The following TBL1Y variants were observed in gnomAD, a reference collection of about 807,000 sequenced individuals.
The protein encoded by TBL1Y is transducin beta like 1 Y-linked, also known as F-box-like/WD repeat-containing protein TBL1Y.
Under a neutral mutation model 12.0 loss-of-function variants are expected in TBL1Y, and 15 were observed. That is an observed-to-expected ratio of 1.25 (90% confidence interval 0.83 to 1.92). The LOEUF is 1.92. TBL1Y is among the 40% of genes most tolerant of loss of function. The probability of loss-of-function intolerance (pLI) is 0.00; values close to 1 mark genes in which losing one functional copy is unlikely to be tolerated. For missense variants in TBL1Y, 148 were observed against 116.7 expected, an observed-to-expected ratio of 1.27 and a Z score of -1.24; for synonymous variants, 53 against 42.6, an observed-to-expected ratio of 1.24 and a Z score of -0.95.
At chrY:6,931,252 G>A in intron 2 of TBL1Y, among the ~76,000 whole-genome samples, 1 of 32,927 alleles carries the variant, frequency 3.0e-5, no homozygotes, top group East Asian at 8.2e-4. Context: ...TTAGCTGGGT[G>A]TGGTGGTGCA....
intron 4 of TBL1Y, among the ~76,000 whole-genome samples, chrY:7,018,810 G>A: frequency 3.0e-5 from 1 of 33,644 alleles, no homozygotes. Flanking sequence ...AAGAAAAAGA[G>A]AAGTCTTTTG....
At chrY:7,090,483 A>G in intron 18 of TBL1Y, among the ~76,000 whole-genome samples, 3 of 34,047 alleles carry the variant, frequency 8.8e-5, no homozygotes, top group African/African-American at 3.4e-4. Flanking sequence ...ACATTAGACA[A>G]TATGTGGAGG....
intron 12 of TBL1Y, 80 bp downstream of exon 12, chrY:7,071,910 G>A: frequency 8.3e-6 from 2 of 241,413 alleles, no homozygotes; most frequent in Non-Finnish European, 1.3e-5. Context: ...AGGGGGGTGG[G>A]GAGTGGGGGA....
At chrY:7,053,194 C>T (rs762968496) in intron 7 of TBL1Y, among the ~76,000 whole-genome samples, 2 of 33,761 alleles carry the variant, frequency 5.9e-5, no homozygotes, top group Admixed American at 2.7e-4. Context: ...TACGCCATCC[C>T]GTTTTCCCAT....
Position 6,947,592 on chromosome Y carries a change from AT to A in TBL1Y, c.-265-30619del, listed in dbSNP as rs2011992715. On this transcript the variant is annotated intron_variant, in intron 2 of 18. Transcript: ENST00000383032. ...ATTGAAAAAGTTAGGCAAGACTAGAATTAACAGGTCTACTGTAGTGTTGAAA... is the reference window on the plus strand; with the variant it reads ...ATTGAAAAAGTTAGGCAAGACTAGAATAACAGGTCTACTGTAGTGTTGAAA... Among the ~76,000 whole-genome samples the A allele has an allele frequency of 3.8e-4, 13 of 34,091 alleles. No individual in the cohort carries two copies. In the South Asian group the frequency reaches 7.1e-3, roughly 19 times the overall value. The allele number at this position is 34,091 out of a possible 37,273, so 91.5% of individuals were successfully genotyped here.
At chrY:6,919,637 C>T in intron 2 of TBL1Y, 1 of 33,426 alleles carries the variant, frequency 3.0e-5, no homozygotes, top group Admixed American at 2.7e-4. Flanking sequence ...ATCATCCCTC[C>T]GGTCGAAACA....
chrY:7,027,057 G>A (rs2012630205), intron 6 of TBL1Y, among the ~76,000 whole-genome samples: 1 of 32,615 alleles, frequency 3.1e-5, no homozygotes, highest in East Asian at 8.3e-4. Flanking sequence ...GCATACCAAC[G>A]TGCCCGGCTA....
intron 7 of TBL1Y, among the ~76,000 whole-genome samples, chrY:7,063,181 C>T (rs923331263): frequency 6.1e-5 from 2 of 32,973 alleles, no homozygotes; most frequent in East Asian, 8.0e-4. Context: ...GGACGAGCCC[C>T]GAAATTGTTA....
At chrY:7,048,417 C>T (rs1018855072) in intron 7 of TBL1Y, among the ~76,000 whole-genome samples, 1 of 32,892 alleles carries the variant, frequency 3.0e-5, no homozygotes, top group Non-Finnish European at 7.4e-5. Flanking sequence ...TTGCCAAAAT[C>T]ATGACTCGGA....
chrY:7,079,378 C>T, intron 13 of TBL1Y, among the ~76,000 whole-genome samples: 1 of 33,888 alleles, frequency 3.0e-5, no homozygotes, highest in African/African-American at 1.2e-4. Context: ...CCTCTCAGGA[C>T]ATGGTCCAGC....
At chrY:6,970,888 T>C (rs1021110531) in intron 2 of TBL1Y, among the ~76,000 whole-genome samples, 16 of 34,574 alleles carry the variant, frequency 4.6e-4, no homozygotes, top group African/African-American at 2.3e-4. Flanking sequence ...GTTCAGTTTA[T>C]AGAGGGAAGG....
intron 2 of TBL1Y, among the ~76,000 whole-genome samples, chrY:6,922,335 C>T (rs892510249): frequency 2.9e-5 from 1 of 34,357 alleles, no homozygotes; most frequent in African/African-American, 1.1e-4. Flanking sequence ...GCCCCACCCA[C>T]ATCCTACTGA....
At chrY:7,076,818 C>T in intron 13 of TBL1Y, among the ~76,000 whole-genome samples, 1 of 26,113 alleles carries the variant, frequency 3.8e-5, no homozygotes, top group African/African-American at 1.6e-4. Context: ...GCAGGAGAAT[C>T]CCCTCAATCA....
intron 16 of TBL1Y, 98 bp downstream of exon 16, chrY:7,086,515 A>G: frequency 3.8e-6 from 1 of 261,123 alleles, no homozygotes; most frequent in Non-Finnish European, 5.5e-6. Context: ...GAAGCCCTTC[A>G]GAGGAAACAA....
chrY:7,089,303 A>G, intron 17 of TBL1Y, among the ~76,000 whole-genome samples: 1 of 34,482 alleles, frequency 2.9e-5, no homozygotes, highest in Admixed American at 2.6e-4. Flanking sequence ...ATGATGAATT[A>G]CTGTCAATTC....
At chrY:6,999,972 G>A in intron 4 of TBL1Y, among the ~76,000 whole-genome samples, 1 of 31,838 alleles carries the variant, frequency 3.1e-5, no homozygotes, top group Non-Finnish European at 7.6e-5. Context: ...TCCTTTCAGG[G>A]CTCAAGATTC....
chrY:7,063,704 A>G (rs2012919267), intron 7 of TBL1Y, among the ~76,000 whole-genome samples, 193 bp from the exon 8 acceptor site: 1 of 33,386 alleles, frequency 3.0e-5, no homozygotes, highest in African/African-American at 1.2e-4. Flanking sequence ...ATACTGACAT[A>G]TTGATTCTTT....
chrY:6,959,163 T>C (rs2012100077), intron 2 of TBL1Y, among the ~76,000 whole-genome samples: 2 of 33,391 alleles, frequency 6.0e-5, no homozygotes, highest in Admixed American at 5.5e-4. Context: ...TTACCAAGTA[T>C]ACTGCTTGTA....
At chrY:6,917,598 C>G (rs932062136) in intron 2 of TBL1Y, among the ~76,000 whole-genome samples, 28 of 33,152 alleles carry the variant, frequency 8.4e-4, no homozygotes, top group South Asian at 4.2e-3. Context: ...CAGGAGAAAG[C>G]GAAGGAGGAG....
Sources: allele counts gnomAD v4.1 joint callset (sites outside exome capture counted in the v4.1 genomes callset), GRCh38; gene constraint gnomAD v4.1.1; transcripts MANE v1.5; gene names NCBI Gene and HGNC (gene_info 2026-07-23, HGNC 2026-07-21).